Variants in HYKK observed in about 807,000 individuals in gnomAD.
HYKK encodes the protein hydroxylysine kinase.
In HYKK, 19 loss-of-function variants were observed where a neutral mutation model predicts 29.7. The ratio of observed to expected loss-of-function variants is 0.64; its 90% CI spans 0.45 to 0.94. The LOEUF is 0.94. Ranked by LOEUF, HYKK falls within the 40% of genes least tolerant of loss-of-function variation. The pLI is 0.00. For missense variants in HYKK, 390 were observed against 443.4 expected (o/e 0.88, Z 1.08); for synonymous variants, 152 against 158.1 (o/e 0.96, Z 0.29).
rs1228381521 is a variant in HYKK, at chr15:78,533,357, T to C, written c.809T>C (p.Ile270Thr). The C allele has an allele frequency of 6.2e-7, 1 of 1,614,218 alleles. No individual in the cohort carries two copies. Among genetic ancestry groups the C allele is most frequent in the Non-Finnish European group, 8.5e-7 (1 of 1,180,044 alleles). Residue 270 changes from isoleucine to threonine, a missense_variant, in exon 5 of 5, where the codon ATC becomes ACC. Physicochemically the swap from Ile to Thr is moderately conservative, Grantham distance 89 (BLOSUM62 -1). Coordinates refer to ENST00000388988, the MANE Select transcript of HYKK (RefSeq NM_001013619.4). ...TATGTGTTTGAAGTGGCAATTACCA[T>C]CATGTACATGATGATTGAGAGCAAG... The part of the protein sequence containing the change: ...GYYVFEVAIT[I>T]MYMMIESKSP...
At chr15:78,532,557 G>T (rs1171276633) in intron 4 of HYKK, among the ~76,000 whole-genome samples, 1 of 152,200 alleles carries the variant, frequency 6.6e-6, no homozygotes, top group African/African-American at 2.4e-5. Context: ...CACTTTGGGA[G>T]GCTGAGGTGG....
At chr15:78,521,635 C>G (rs1039711129) in intron 3 of HYKK, among the ~76,000 whole-genome samples, 1 of 151,964 alleles carries the variant, frequency 6.6e-6, no homozygotes, top group African/African-American at 2.4e-5. Flanking sequence ...AGATCAAGGA[C>G]AACACTGATT....
rs2052321510 is a variant in HYKK, at chr15:78,532,443, T to C, written c.662-767T>C. 5.3e-5 allele frequency among the ~76,000 whole-genome samples: 8 copies of C among 152,268 alleles called. No homozygotes were observed. In the South Asian group the frequency reaches 1.7e-3, roughly 32 times the overall value. On this transcript the variant is annotated intron_variant, in intron 4 of 4. Transcript: ENST00000388988. ...CTGACTTAAAATATCACCACCTATT[T>C]TAGTAATCAAAAAAAGGGAAATTTA... is the stretch of plus-strand genomic sequence containing the variant.
intron 4 of HYKK, among the ~76,000 whole-genome samples, chr15:78,529,656 T>C (rs555471745): frequency 1.3e-5 from 2 of 152,346 alleles, no homozygotes; most frequent in South Asian, 2.1e-4. Context: ...ATTTGAAATA[T>C]ATTCTTGAGA....
intron 2 of HYKK, 143 bp downstream of exon 2, chr15:78,513,568 C>G (rs563091541): frequency 3.0e-4 from 194 of 642,154 alleles, no homozygotes; most frequent in Non-Finnish European, 3.3e-4. Context: ...AATAGTACAC[C>G]CTTAGAGGTG....
intron 4 of HYKK, among the ~76,000 whole-genome samples, chr15:78,531,610 C>G (rs1369479347): frequency 6.6e-6 from 1 of 152,148 alleles, no homozygotes; most frequent in Non-Finnish European, 1.5e-5. Context: ...CAGCTCACTG[C>G]AATCTCTGCA....
At chr15:78,526,148 G>T (rs915135297) in intron 3 of HYKK, among the ~76,000 whole-genome samples, 4 of 152,114 alleles carry the variant, frequency 2.6e-5, no homozygotes, top group African/African-American at 9.7e-5. Context: ...AAGTCTAAAG[G>T]CCCTTCCAAT....
At chr15:78,525,927 A>G (rs992849488) in intron 3 of HYKK, among the ~76,000 whole-genome samples, 3 of 152,226 alleles carry the variant, frequency 2.0e-5, no homozygotes, top group African/African-American at 7.2e-5. Flanking sequence ...TTCTTACTGC[A>G]AGTCATGCAA....
At chr15:78,528,676 G>C in intron 4 of HYKK, 1 of 308,052 alleles carries the variant, frequency 3.2e-6, no homozygotes, top group South Asian at 1.3e-4. Context: ...GGTGACGCGT[G>C]CCTGTAATCT....
intron 4 of HYKK, among the ~76,000 whole-genome samples, chr15:78,532,113 G>A (rs902714374): frequency 6.6e-6 from 1 of 152,096 alleles, no homozygotes; most frequent in African/African-American, 2.4e-5. Context: ...GCTTAAATCC[G>A]TGCTTCTTAG....
chr15:78,513,211 T>TGGAAA lies in HYKK; in HGVS notation c.123_124insGGAAA (p.Ser42GlyfsTer27). 1.2e-6 allele frequency: 2 copies of TGGAAA among 1,614,208 alleles called. No individual in the cohort carries two copies. The highest frequency in any genetic ancestry group is 1.7e-6 in the Non-Finnish European group (2 of 1,180,036). On this transcript the variant is annotated frameshift_variant, in exon 2 of 5. Coordinates refer to ENST00000388988, the MANE Select transcript of HYKK (RefSeq NM_001013619.4). LOFTEE classifies it high-confidence loss of function. ...AAGTTTCCAAGGTCCGGCCACTTCCTAGCTATGATGACCAAAACTTTCATG... is the reference window on the plus strand; with the variant it reads ...AAGTTTCCAAGGTCCGGCCACTTCCTGGAAAAGCTATGATGACCAAAACTTTCATG...
In HYKK at chr15:78,514,961, C is replaced by A; in HGVS notation, c.338-7C>A. On this transcript the variant is annotated splice_polypyrimidine_tract_variant and splice_region_variant and intron_variant, in intron 2 of 4. Transcript: ENST00000388988. The stretch of plus-strand genomic sequence containing the variant: ...TAGTCAAAGGATATTTTATTCCATC[C>A]ATTTAGATAGTGGCTCTGAAATCAA... 6.9e-7 allele frequency: 1 copy of A among 1,451,852 alleles called. No homozygotes were observed. Among genetic ancestry groups the A allele is most frequent in the South Asian group, 1.4e-5 (1 of 73,024 alleles). 89.9% of individuals were successfully genotyped at this position (1,451,852 alleles called of 1,614,324 possible). A position where few individuals can be genotyped will look rare whatever the true frequency, so the allele number is the denominator to read the frequency against.
Position 78,527,612 on chromosome 15 carries a change from A to G in HYKK, c.661+49A>G, listed in dbSNP as rs375367555. ...TTTTTCTTGATATTTAAACTGTCCA[A>G]TTTCATATCATCAGAAAAGTATGGA... is the stretch of plus-strand genomic sequence containing the variant. On this transcript the variant is annotated intron_variant, in intron 4 of 4. Transcript: ENST00000388988. 6 of 1,597,386 alleles carry G rather than the reference A, an allele frequency of 3.8e-6. No homozygotes were observed. In the African/African-American group the frequency reaches 6.7e-5, roughly 18 times the overall value.
chr15:78,507,695 A>T (rs891793083), intron 1 of HYKK, 24 bp downstream of exon 1: 3 of 152,362 alleles, frequency 2.0e-5, no homozygotes, highest in Non-Finnish European at 2.9e-5. Context: ...GGGGAAGCAG[A>T]GACGAGCCCT....
chr15:78,526,129 G>C (rs1504545), intron 3 of HYKK, among the ~76,000 whole-genome samples: 47,715 of 152,102 alleles, frequency 0.31, 8,528 homozygotes, highest in Non-Finnish European at 0.42. Flanking sequence ...ACTTTAGATA[G>C]AGTGGTCAAA....
chr15:78,527,485 C>T lies in HYKK; in HGVS notation c.583C>T (p.Arg195Ter), dbSNP rs201674678. ...EKYLYALGQN[R>*]NREIVEHVIH... Reference sequence around the variant, plus strand: ...ATACCTGTATGCCCTGGGCCAGAATCGAAACCGAGAGATTGTTGAGCATGT... The same window carrying T: ...ATACCTGTATGCCCTGGGCCAGAATTGAAACCGAGAGATTGTTGAGCATGT... The change falls in exon 4 of 5, where the codon CGA (arginine) becomes TGA (stop). Residue 195 changes from arginine (R) to a stop codon, truncating the protein, a stop_gained. Transcript: ENST00000388988. LOFTEE classifies it high-confidence loss of function. 240 of 1,614,064 alleles carry T rather than the reference C, an allele frequency of 1.5e-4. No homozygotes were observed. The African/African-American group carries it at 2.5e-3, about 17-fold the overall frequency.
At chr15:78,518,079 A>C (rs994604493) in intron 3 of HYKK, among the ~76,000 whole-genome samples, 1 of 151,764 alleles carries the variant, frequency 6.6e-6, no homozygotes, top group Non-Finnish European at 1.5e-5. Flanking sequence ...CAGACTCTCA[A>C]CTCTACCTCC....
At chr15:78,527,160 C>T (rs534626289) in intron 3 of HYKK, among the ~76,000 whole-genome samples, 1 of 151,812 alleles carries the variant, frequency 6.6e-6, no homozygotes, top group South Asian at 2.1e-4. Flanking sequence ...GTGACATATG[C>T]CTGTGATCCC....
chr15:78,533,576 A>C lies in HYKK; in HGVS notation c.1028A>C (p.Lys343Thr), dbSNP rs748090356. ...YLMVTAKTGW[K>T]HLQQMFDMGQ... is the part of the protein sequence containing the mutation. ...ATGGTTACTGCAAAAACCGGGTGGA[A>C]ACACTTACAGCAAATGTTTGACATG... Residue 343 changes from lysine to threonine, a missense_variant, in exon 5 of 5, where the codon AAA (lysine) becomes ACA (threonine). Coordinates refer to ENST00000388988, the MANE Select transcript of HYKK (RefSeq NM_001013619.4). 1.9e-6 allele frequency: 3 copies of C among 1,614,264 alleles called. No homozygotes were observed. Among genetic ancestry groups the C allele is most frequent in the South Asian group, 2.2e-5 (2 of 91,088 alleles).
Sources: gnomAD v4.1 joint callset for allele counts (sites outside exome capture counted in the v4.1 genomes callset) on GRCh38, gnomAD v4.1.1 for gene constraint, MANE v1.5 for transcripts, NCBI Gene and HGNC (gene_info 2026-07-23, HGNC 2026-07-21) for gene names.